CACNA1E: variants seen among roughly 807,000 people sequenced by gnomAD.
CACNA1E encodes the protein calcium voltage-gated channel subunit alpha1 E.
In CACNA1E, 40 loss-of-function variants were observed where a neutral mutation model predicts 259.2. That is an observed-to-expected ratio of 0.15 (90% CI 0.12 to 0.20). CACNA1E has a LOEUF of 0.20. Ranked by LOEUF, CACNA1E falls within the 10% of genes least tolerant of loss-of-function variation. The pLI, the probability that CACNA1E is intolerant of heterozygous loss-of-function variation, is 1.00. For synonymous variants in CACNA1E, 1,104 were observed against 1,138.5 expected (o/e 0.97, Z 0.61); for missense variants, 1,874 against 3,040.1 (o/e 0.62, Z 9.02).
intron 7 of CACNA1E, among the ~76,000 whole-genome samples, chr1:181,656,350 A>C (rs11809772): frequency 0.097 from 14,698 of 152,188 alleles, 868 homozygotes; most frequent in Middle Eastern, 0.17. Flanking sequence ...GACCCTGTGC[A>C]GGCCTAGGCT....
chr1:181,608,119 C>T (rs1483444662), intron 6 of CACNA1E, among the ~76,000 whole-genome samples: 1 of 152,150 alleles, frequency 6.6e-6, no homozygotes, highest in African/African-American at 2.4e-5. Context: ...CTTCTGGTGC[C>T]ACCTCTTAGA....
intron 1 of CACNA1E, among the ~76,000 whole-genome samples, chr1:181,405,092 G>A (rs1350346317): frequency 6.6e-6 from 1 of 152,224 alleles, no homozygotes; most frequent in Non-Finnish European, 1.5e-5. Flanking sequence ...TACTCAGAGA[G>A]GAGATTTAAT....
At chr1:181,412,299 C>G (rs1039319300) in intron 1 of CACNA1E, among the ~76,000 whole-genome samples, 3 of 152,184 alleles carry the variant, frequency 2.0e-5, no homozygotes, top group African/African-American at 7.2e-5. Flanking sequence ...AGGCTGGGCT[C>G]AGAGGCTCAT....
Position 181,798,844 on chromosome 1 carries a change from C to G in CACNA1E, c.*10C>G. ...AGATGACAAATGCTAGAGGCTGCTC[C>G]CCCCTCCGATGCATGCTCTTCTCTC... On this transcript the variant is annotated 3_prime_UTR_variant, in exon 48 of 48. Transcript: ENST00000367573. The surrounding 1 kb of genome is among the most constrained non-coding windows in gnomAD (Gnocchi z 4.2). 1 of 1,500,776 alleles carries G rather than the reference C, an allele frequency of 6.7e-7. No homozygotes were observed. The highest frequency in any genetic ancestry group is 8.9e-7 in the Non-Finnish European group (1 of 1,127,842). The allele number at this position is 1,500,776 out of a possible 1,614,324, so 93.0% of individuals were successfully genotyped here.
chr1:181,351,360 G>T (rs1056124001), intron 1 of CACNA1E, among the ~76,000 whole-genome samples: 1 of 152,196 alleles, frequency 6.6e-6, no homozygotes, highest in Non-Finnish European at 1.5e-5. Flanking sequence ...GTGGGGAGAA[G>T]AATGGTCCTA....
chr1:181,578,464 A>G (rs1291556684), intron 4 of CACNA1E, among the ~76,000 whole-genome samples: 1 of 152,196 alleles, frequency 6.6e-6, no homozygotes, highest in Non-Finnish European at 1.5e-5. Flanking sequence ...CTACTCAGGA[A>G]GCTGAGGTGG....
intron 25 of CACNA1E, among the ~76,000 whole-genome samples, chr1:181,744,557 G>GACAA (rs1285378716): frequency 6.6e-6 from 1 of 152,208 alleles, no homozygotes; most frequent in East Asian, 1.9e-4. Flanking sequence ...AGAAACAACA[G>GACAA]ACAAACATTT....
At chr1:181,634,122 C>G (rs1403338193) in intron 6 of CACNA1E, among the ~76,000 whole-genome samples, 2 of 152,128 alleles carry the variant, frequency 1.3e-5, no homozygotes, top group African/African-American at 4.8e-5. Flanking sequence ...TGAAGTTAGG[C>G]AGATGTGGGT....
At chr1:181,714,527 C>T (rs1262668421) in intron 8 of CACNA1E, among the ~76,000 whole-genome samples, 1 of 152,096 alleles carries the variant, frequency 6.6e-6, no homozygotes, top group Non-Finnish European at 1.5e-5. Context: ...TAGTGCCCCT[C>T]CTCCCTAGAA....
At chr1:181,423,251 G>A (rs1182691850) in intron 2 of CACNA1E, among the ~76,000 whole-genome samples, 4 of 152,176 alleles carry the variant, frequency 2.6e-5, no homozygotes, top group South Asian at 4.1e-4. Flanking sequence ...ATACATCAAC[G>A]GACCACAGCA....
In CACNA1E at chr1:181,752,268, A is replaced by T. The variant is rs558881600; in HGVS notation, c.3828+29A>T. ...GTGTTTACAGAGTTTGTTCCCATCA[A>T]ATCCCCTTCTCCCATCTTCTCTCTT... On this transcript the variant is annotated intron_variant, in intron 27 of 47. Coordinates refer to ENST00000367573, the MANE Select transcript of CACNA1E (RefSeq NM_001205293.3). 5 of 1,484,818 alleles carry T rather than the reference A, an allele frequency of 3.4e-6. No individual in the cohort carries two copies. In the East Asian group the frequency reaches 1.1e-4, roughly 34 times the overall value. 92.0% of individuals were successfully genotyped at this position (1,484,818 alleles called of 1,614,324 possible). A position where few individuals can be genotyped will look rare whatever the true frequency, so the allele number is the denominator to read the frequency against.
chr1:181,618,242 T>C (rs1402571123), intron 6 of CACNA1E, among the ~76,000 whole-genome samples: 2 of 152,146 alleles, frequency 1.3e-5, no homozygotes, highest in African/African-American at 4.8e-5. Context: ...GCATGGCAGA[T>C]GAGAGTCACA....
At chr1:181,335,119 C>T (rs1418126052) in intron 1 of CACNA1E, among the ~76,000 whole-genome samples, 2 of 152,234 alleles carry the variant, frequency 1.3e-5, no homozygotes, top group East Asian at 3.8e-4. Context: ...TCAAATGTCA[C>T]TGTATCAGTG....
chr1:181,410,618 TA>T (rs1657778646), intron 1 of CACNA1E, among the ~76,000 whole-genome samples: 1 of 152,132 alleles, frequency 6.6e-6, no homozygotes, highest in African/African-American at 2.4e-5. Flanking sequence ...TATCTTAGCA[TA>T]ACGAGGAGGG....
chr1:181,630,539 C>G (rs576657310), intron 6 of CACNA1E, among the ~76,000 whole-genome samples: 1 of 152,282 alleles, frequency 6.6e-6, no homozygotes, highest in East Asian at 1.9e-4. Flanking sequence ...TGTATTGCAA[C>G]AACGCCCTCT....
chr1:181,351,887 T>C (rs955917354), intron 1 of CACNA1E, among the ~76,000 whole-genome samples: 5 of 152,228 alleles, frequency 3.3e-5, no homozygotes, highest in Non-Finnish European at 5.9e-5. Flanking sequence ...TAGGGTCATT[T>C]ATGGATTCTG....
At chr1:181,371,960 C>T (rs953049812) in intron 1 of CACNA1E, among the ~76,000 whole-genome samples, 1 of 152,110 alleles carries the variant, frequency 6.6e-6, no homozygotes. Context: ...GTTTTTGTAC[C>T]AGTACCATGC....
At chr1:181,715,702 G>T (rs1653819294) in intron 9 of CACNA1E, among the ~76,000 whole-genome samples, 1 of 152,118 alleles carries the variant, frequency 6.6e-6, no homozygotes. Flanking sequence ...AAATGTGTGG[G>T]GATCACCTTG....
intron 1 of CACNA1E, among the ~76,000 whole-genome samples, chr1:181,498,979 A>T (rs1665016997): frequency 6.6e-6 from 1 of 152,250 alleles, no homozygotes; most frequent in African/African-American, 2.4e-5. Context: ...TAAGAGAAAG[A>T]TATTCATAGA....
Sources: allele counts gnomAD v4.1 joint callset (sites outside exome capture counted in the v4.1 genomes callset), GRCh38; gene constraint gnomAD v4.1.1; non-coding constraint Gnocchi (gnomAD v3.1); transcripts MANE v1.5; gene names NCBI Gene and HGNC (gene_info 2026-07-23, HGNC 2026-07-21).